The following NLGN1 variants were observed in gnomAD, a reference collection of about 807,000 sequenced individuals.
NLGN1 encodes neuroligin 1, also known as neuroligin-1.
A neutral mutation model predicts 65.5 loss-of-function variants in NLGN1; 12 were observed. The observed-to-expected ratio is 0.18, with a 90% confidence interval of 0.12 to 0.30. The LOEUF is 0.30. NLGN1 is among the 10% of genes least tolerant of loss of function. The pLI is 1.00. For missense variants in NLGN1, 750 were observed against 1,007.1 expected (o/e 0.74, Z 3.46); for synonymous variants, 350 against 359.5 (o/e 0.97, Z 0.30).
At chr3:173,437,469 T>G (rs773041773) in intron 2 of NLGN1, among the ~76,000 whole-genome samples, 2 of 152,224 alleles carry the variant, frequency 1.3e-5, no homozygotes, top group Non-Finnish European at 2.9e-5. Flanking sequence ...TGGAATTTAT[T>G]CAGCACTCCT....
At chr3:173,458,659 A>T (rs1220915920) in intron 2 of NLGN1, among the ~76,000 whole-genome samples, 1 of 152,030 alleles carries the variant, frequency 6.6e-6, no homozygotes, top group African/African-American at 2.4e-5. Flanking sequence ...TCTCTAATCC[A>T]CAAGTTGAGT....
chr3:173,593,520 G>A (rs1748907137), intron 2 of NLGN1, among the ~76,000 whole-genome samples: 1 of 152,206 alleles, frequency 6.6e-6, no homozygotes, highest in Admixed American at 6.5e-5. Flanking sequence ...AGTGTTTTGA[G>A]AGATAAGAGA....
chr3:174,089,411 T>G (rs1055747224), intron 4 of NLGN1, among the ~76,000 whole-genome samples: 1 of 152,150 alleles, frequency 6.6e-6, no homozygotes, highest in Admixed American at 6.5e-5. Context: ...GAAATTGTGG[T>G]CTCTGCTTCA....
exon 3 of NLGN1, chr3:173,604,282 A>T: frequency 3.2e-6 from 1 of 314,074 alleles, no homozygotes; most frequent in Non-Finnish European, 5.9e-6. Flanking sequence ...TTTCTAGGAT[A>T]TAGACCTGCA....
At chr3:174,010,461 T>C (rs1725302839) in intron 4 of NLGN1, among the ~76,000 whole-genome samples, 1 of 152,172 alleles carries the variant, frequency 6.6e-6, no homozygotes, top group South Asian at 2.1e-4. Context: ...TACAAAGGCA[T>C]AAAACTCTTT....
chr3:173,742,690 T>A (rs916729380), intron 3 of NLGN1, among the ~76,000 whole-genome samples: 1 of 152,128 alleles, frequency 6.6e-6, no homozygotes, highest in African/African-American at 2.4e-5. Context: ...GCAACAAATT[T>A]CCCCTGAGAG....
intron 4 of NLGN1, among the ~76,000 whole-genome samples, chr3:173,863,077 G>A (rs1233387000): frequency 6.6e-6 from 1 of 151,796 alleles, no homozygotes; most frequent in Non-Finnish European, 1.5e-5. Context: ...AGAATTAATA[G>A]CATTGAATAA....
intron 4 of NLGN1, among the ~76,000 whole-genome samples, chr3:173,810,523 T>C (rs1027953429): frequency 6.6e-6 from 1 of 152,200 alleles, no homozygotes; most frequent in Non-Finnish European, 1.5e-5. Flanking sequence ...AGATCATTGA[T>C]TTGAGGCGAC....
chr3:174,159,037 A>G lies in NLGN1; in HGVS notation c.647-116278A>G, dbSNP rs184405547. On this transcript the variant is annotated intron_variant, in intron 4 of 6. Coordinates refer to ENST00000457714, the Ensembl canonical transcript of NLGN1. Reference sequence around the variant, plus strand: ...TACAAAAAAATCTTCTCTGGTTATTAGAGAAGAATTCTTTACTGAGTAACT... The same window carrying G: ...TACAAAAAAATCTTCTCTGGTTATTGGAGAAGAATTCTTTACTGAGTAACT... Among the ~76,000 whole-genome samples the G allele has an allele frequency of 2.7e-3, 409 of 151,822 alleles. 3 individuals carry two copies. Among genetic ancestry groups the G allele is most frequent in the Non-Finnish European group, 4.5e-3 (305 of 67,766 alleles).
chr3:173,862,863 C>T (rs1177262058), intron 4 of NLGN1, among the ~76,000 whole-genome samples: 1 of 152,062 alleles, frequency 6.6e-6, no homozygotes, highest in Non-Finnish European at 1.5e-5. Flanking sequence ...TACGTGGGTA[C>T]AGGAATTCTC....
At chr3:173,523,886 A>T (rs1201750381) in intron 2 of NLGN1, among the ~76,000 whole-genome samples, 5 of 149,880 alleles carry the variant, frequency 3.3e-5, no homozygotes, top group African/African-American at 1.2e-4. Flanking sequence ...CCCATCCATG[A>T]GCATGAGATG....
chr3:174,272,663 ATG>A (rs760377081), intron 4 of NLGN1, among the ~76,000 whole-genome samples: 15,202 of 122,596 alleles, frequency 0.12, 871 homozygotes, highest in Middle Eastern at 0.2. Context: ...GGATGGATGG[ATG>A]GATAGATAGA....
chr3:174,013,181 A>G (rs1324395905), intron 4 of NLGN1, among the ~76,000 whole-genome samples: 12 of 152,120 alleles, frequency 7.9e-5, no homozygotes, highest in Admixed American at 3.3e-4. Context: ...AGTGAGTCCA[A>G]TTTTTGGTTA....
intron 4 of NLGN1, among the ~76,000 whole-genome samples, chr3:174,253,925 T>C (rs4894661): frequency 0.21 from 32,560 of 152,042 alleles, 3,748 homozygotes; most frequent in East Asian, 0.49. Flanking sequence ...AACACAGCAA[T>C]AGATTGGGGG....
intron 3 of NLGN1, among the ~76,000 whole-genome samples, chr3:173,743,294 C>T (rs1037806934): frequency 9.2e-5 from 14 of 152,076 alleles, no homozygotes; most frequent in African/African-American, 3.1e-4. Flanking sequence ...GTAACATGTA[C>T]GGAATTCTGA....
rs1011429500 is a variant in NLGN1, at chr3:173,594,909, G to A, written c.-320-9370G>A. 3.3e-5 allele frequency among the ~76,000 whole-genome samples: 5 copies of A among 152,234 alleles called. No individual in the cohort carries two copies. The East Asian group carries it at 7.7e-4, about 24-fold the overall frequency. ...CTGTACCTTGGCCCCTTTTAGTCAC[G>A]GCTGGAGCAGCTGGGACACAGAGAA... is the stretch of plus-strand genomic sequence containing the variant. On this transcript the variant is annotated intron_variant, in intron 2 of 6. Transcript: ENST00000457714.
At chr3:174,167,412 G>A (rs536196734) in intron 4 of NLGN1, among the ~76,000 whole-genome samples, 78 of 151,938 alleles carry the variant, frequency 5.1e-4, no homozygotes, top group Non-Finnish European at 2.9e-4. Flanking sequence ...CTTAGAGCTT[G>A]GTTATATTTT....
At chr3:174,044,556 C>T (rs1307972567) in intron 4 of NLGN1, among the ~76,000 whole-genome samples, 1 of 152,166 alleles carries the variant, frequency 6.6e-6, no homozygotes, top group Non-Finnish European at 1.5e-5. Context: ...TATTCCAGTT[C>T]TCAGTAAGTT....
At chr3:173,826,685 T>C (rs976013941) in intron 4 of NLGN1, among the ~76,000 whole-genome samples, 1 of 152,034 alleles carries the variant, frequency 6.6e-6, no homozygotes, top group African/African-American at 2.4e-5. Context: ...GGCTAGATAT[T>C]GGGGATACAA....
Sources: allele counts gnomAD v4.1 joint callset (sites outside exome capture counted in the v4.1 genomes callset), GRCh38; gene constraint gnomAD v4.1.1; transcripts MANE v1.5; gene names NCBI Gene and HGNC (gene_info 2026-07-23, HGNC 2026-07-21).